Variants in DDC observed in about 807,000 individuals in gnomAD.
DDC encodes aromatic-L-amino-acid decarboxylase.
DDC carries 43 observed loss-of-function variants against 60.0 expected under a neutral mutation model. The observed-to-expected ratio is 0.72, with a 90% CI of 0.56 to 0.92. DDC has a LOEUF of 0.92. Among genes scored for constraint, DDC ranks in the 40% least tolerant of loss-of-function variants. The pLI is 0.00. For missense variants in DDC, 573 were observed against 620.2 expected, an observed-to-expected ratio of 0.92 and a Z score of 0.81; for synonymous variants, 232 against 234.6, an observed-to-expected ratio of 0.99 and a Z score of 0.10.
chr7:50,535,032 G>A (rs777559951), intron 4 of DDC, among the ~76,000 whole-genome samples: 1 of 152,214 alleles, frequency 6.6e-6, no homozygotes, highest in Non-Finnish European at 1.5e-5. Context: ...AGAAAATTGT[G>A]CTGGGACTGA....
intron 11 of DDC, among the ~76,000 whole-genome samples, chr7:50,474,463 G>A (rs2042597664): frequency 6.6e-6 from 1 of 152,210 alleles, no homozygotes; most frequent in South Asian, 2.1e-4. Context: ...GGCCCTGGAT[G>A]GAGCAGAAGA....
chr7:50,558,495 G>T (rs2153554362), intron 1 of DDC, among the ~76,000 whole-genome samples: 1 of 152,260 alleles, frequency 6.6e-6, no homozygotes, highest in Middle Eastern at 3.4e-3. Context: ...AAAATCCTGA[G>T]AATCTGTTGA....
At chr7:50,508,804 C>T (rs1038896132) in intron 6 of DDC, among the ~76,000 whole-genome samples, 2 of 152,330 alleles carry the variant, frequency 1.3e-5, no homozygotes, top group Admixed American at 1.3e-4. Context: ...GCTCCAACCC[C>T]TCTCCTATGA....
At chr7:50,555,877 G>C (rs2045168495) in intron 1 of DDC, among the ~76,000 whole-genome samples, 1 of 152,194 alleles carries the variant, frequency 6.6e-6, no homozygotes, top group Non-Finnish European at 1.5e-5. Context: ...GCACCTGAGA[G>C]AATGTCCTGG....
At position 50,529,217 on chromosome 7, in the gene DDC, T is replaced by C. The variant is rs779853426; in HGVS notation, c.561A>G (p.Ser187=). ...CCCACAACACACTCACCTGATCGGATGAGTAAGCCACCAGCTTCTCCATGA... is the reference window on the plus strand; with the variant it reads ...CCCACAACACACTCACCTGATCGGACGAGTAAGCCACCAGCTTCTCCATGA... ...AAIMEKLVAY[S]SDQAHSSVER... is the part of the protein sequence containing the mutation. The change falls in exon 5 of 15, where the codon TCA becomes TCG. Residue 187 remains serine (S), a synonymous_variant. Coordinates refer to ENST00000444124, the MANE Select transcript of DDC (RefSeq NM_001082971.2). 6.8e-6 allele frequency: 11 copies of C among 1,613,168 alleles called. No homozygotes were observed. Among genetic ancestry groups the C allele is most frequent in the Non-Finnish European group, 8.5e-6 (10 of 1,179,974 alleles).
At chr7:50,519,318 T>C (rs2043824256) in intron 6 of DDC, among the ~76,000 whole-genome samples, 1 of 152,246 alleles carries the variant, frequency 6.6e-6, no homozygotes, top group Admixed American at 6.5e-5. Flanking sequence ...ATAGCCACTA[T>C]GGAAATCTGT....
intron 1 of DDC, among the ~76,000 whole-genome samples, chr7:50,549,045 TTACTGAATA>T (rs1480030515): frequency 1.3e-5 from 2 of 152,212 alleles, no homozygotes; most frequent in Admixed American, 6.5e-5. Context: ...ACAGTATGGT[TTACTGAATA>T]TTTGAAGACT....
intron 6 of DDC, among the ~76,000 whole-genome samples, chr7:50,510,233 C>T (rs993395280): frequency 2.6e-5 from 4 of 152,006 alleles, no homozygotes; most frequent in Non-Finnish European, 5.9e-5. Context: ...CCTTGGCCTC[C>T]CAAAGTGCTG....
chr7:50,509,785 T>C (rs947881090), intron 6 of DDC, among the ~76,000 whole-genome samples: 1 of 152,212 alleles, frequency 6.6e-6, no homozygotes, highest in East Asian at 1.9e-4. Context: ...TAATAACTCT[T>C]TATAAAGAAA....
At chr7:50,550,277 C>T (rs1267991061) in intron 1 of DDC, among the ~76,000 whole-genome samples, 3 of 152,158 alleles carry the variant, frequency 2.0e-5, no homozygotes, top group African/African-American at 4.8e-5. Flanking sequence ...ATCAGATGAT[C>T]GTTAGCATTT....
chr7:50,499,912 G>T (rs2043210678), intron 7 of DDC, among the ~76,000 whole-genome samples: 1 of 152,104 alleles, frequency 6.6e-6, no homozygotes. Flanking sequence ...CCAGCCAAGG[G>T]GCCCTATCTA....
At chr7:50,530,131 G>T (rs926118480) in intron 4 of DDC, among the ~76,000 whole-genome samples, 1 of 151,918 alleles carries the variant, frequency 6.6e-6, no homozygotes, top group Non-Finnish European at 1.5e-5. Flanking sequence ...TGGCGTGCCT[G>T]GTAGTCCCAG....
intron 6 of DDC, among the ~76,000 whole-genome samples, chr7:50,512,337 G>A (rs2043602251): frequency 1.3e-5 from 2 of 152,286 alleles, no homozygotes; most frequent in East Asian, 1.9e-4. Flanking sequence ...AGGAGATGAA[G>A]GAGTAGGAAG....
intron 2 of DDC, chr7:50,543,596 G>A: frequency 4.4e-6 from 2 of 455,424 alleles, no homozygotes; most frequent in South Asian, 4.1e-5. Context: ...TGTACCGAGT[G>A]TCTCTGGGCA....
intron 13 of DDC, among the ~76,000 whole-genome samples, chr7:50,466,416 C>T (rs1347768340): frequency 1.4e-5 from 2 of 143,388 alleles, no homozygotes; most frequent in African/African-American, 5.2e-5. Flanking sequence ...ACCCGGGAGG[C>T]AGAGGTTGCA....
At chr7:50,546,655 T>G (rs1779151361) in intron 1 of DDC, among the ~76,000 whole-genome samples, 1 of 152,240 alleles carries the variant, frequency 6.6e-6, no homozygotes, top group Admixed American at 6.5e-5. Flanking sequence ...CTCTCTAATA[T>G]TTTTACTTCC....
intron 5 of DDC, among the ~76,000 whole-genome samples, 176 bp from the exon 6 acceptor site, chr7:50,528,456 T>A (rs2044102468): frequency 6.6e-6 from 1 of 152,164 alleles, no homozygotes; most frequent in Admixed American, 6.5e-5. Flanking sequence ...GACCCCTTTT[T>A]TCCTGGAGTT....
At chr7:50,483,090 T>G (rs2042805177) in intron 9 of DDC, among the ~76,000 whole-genome samples, 1 of 152,136 alleles carries the variant, frequency 6.6e-6, no homozygotes, top group Non-Finnish European at 1.5e-5. Context: ...TTTTTCTGAT[T>G]TTAAAGGGAG....
intron 12 of DDC, 92 bp downstream of exon 12, chr7:50,469,981 A>AT: frequency 1.2e-6 from 1 of 808,740 alleles, no homozygotes; most frequent in Admixed American, 2.3e-5. Flanking sequence ...CTCTGTCTCA[A>AT]AAAAAAAAAA....
Sources: allele counts gnomAD v4.1 joint callset (sites outside exome capture counted in the v4.1 genomes callset), GRCh38; gene constraint gnomAD v4.1.1; transcripts MANE v1.5; gene names NCBI Gene and HGNC (gene_info 2026-07-23, HGNC 2026-07-21).